SPTB: variants seen among roughly 807,000 people sequenced by gnomAD.
SPTB encodes the protein spectrin beta chain, erythrocytic.
A neutral mutation model predicts 256.2 loss-of-function variants in SPTB; 45 were observed. The ratio of observed to expected loss-of-function variants is 0.18; its 90% CI spans 0.14 to 0.23. The LOEUF is 0.23. Ranked by LOEUF, SPTB falls within the 10% of genes least tolerant of loss-of-function variation. The probability of loss-of-function intolerance (pLI) is 1.00; values close to 1 mark genes in which losing one functional copy is unlikely to be tolerated. For missense variants in SPTB, 2,715 were observed against 3,040.4 expected, an observed-to-expected ratio of 0.89 and a Z score of 2.52; for synonymous variants, 1,231 against 1,243.1, an observed-to-expected ratio of 0.99 and a Z score of 0.21.
Position 64,801,340 on chromosome 14 carries a change from G to A in SPTB, c.708C>T (p.His236=), listed in dbSNP as rs746583964. ...KDSNARHNLE[H]AFNVAERQLG... is the part of the protein sequence containing the mutation. ...GCTGGCGCTCAGCCACATTGAATGCGTGCTCCAGGTTGTGCCGGGCATTGG... is the reference window on the plus strand; with the variant it reads ...GCTGGCGCTCAGCCACATTGAATGCATGCTCCAGGTTGTGCCGGGCATTGG... Residue 236 remains histidine (H), a synonymous_variant, in exon 7 of 36, where the codon CAC becomes CAT. Coordinates refer to ENST00000644917, the MANE Select transcript of SPTB (RefSeq NM_001355436.2). 1.0e-4 allele frequency: 168 copies of A among 1,614,110 alleles called. No homozygotes were observed. Among genetic ancestry groups the A allele is most frequent in the Non-Finnish European group, 1.3e-4 (156 of 1,180,034 alleles).
chr14:64,769,038 G>T lies in SPTB; in HGVS notation c.6018C>A (p.Arg2006=). Residue 2006 remains arginine (R), a synonymous_variant, in exon 29 of 36, where the codon CGC becomes CGA. Coordinates refer to ENST00000644917, the MANE Select transcript of SPTB (RefSeq NM_001355436.2). ...EKWEARWERL[R]MLLEVCQFSR... is the part of the protein sequence containing the mutation. Reference sequence around the variant, plus strand: ...TGGCTCCAGGGCTGTACTCACACATGCGGAGCCGCTCCCAGCGGGCTTCCC... The same window carrying T: ...TGGCTCCAGGGCTGTACTCACACATTCGGAGCCGCTCCCAGCGGGCTTCCC... The T allele has an allele frequency of 6.2e-7, 1 of 1,612,646 alleles. No individual in the cohort carries two copies. The highest frequency in any genetic ancestry group is 8.5e-7 in the Non-Finnish European group (1 of 1,179,762).
Position 64,845,858 on chromosome 14 carries a change from C to T in SPTB, c.-51-22713G>A, listed in dbSNP as rs1711287457. On this transcript the variant is annotated intron_variant, in intron 1 of 35. Transcript: ENST00000644917. The surrounding 1 kb of genome is among the most constrained non-coding windows in gnomAD (Gnocchi z 4.8). Reference sequence around the variant, plus strand: ...ATGTGTGTGTGTGTTATTTATGAAACACATTTCATGGTCAGGCATTTTGGG... The same window carrying T: ...ATGTGTGTGTGTGTTATTTATGAAATACATTTCATGGTCAGGCATTTTGGG... 6.6e-6 allele frequency among the ~76,000 whole-genome samples: 1 copy of T among 151,944 alleles called. No homozygotes were observed. The highest frequency in any genetic ancestry group is 2.1e-4 in the South Asian group (1 of 4,816).
intron 32 of SPTB, among the ~76,000 whole-genome samples, chr14:64,765,037 T>C (rs1291486801): frequency 2.6e-5 from 3 of 115,126 alleles, no homozygotes; most frequent in African/African-American, 1.0e-4. Context: ...TGTGTGTGTG[T>C]GTGTGCGCGC....
In SPTB at chr14:64,785,036, G is replaced by A. The variant is rs529019373; in HGVS notation, c.3855+501C>T. On this transcript the variant is annotated intron_variant, in intron 18 of 35. Coordinates refer to ENST00000644917, the MANE Select transcript of SPTB (RefSeq NM_001355436.2). The surrounding 1 kb of genome is among the most constrained non-coding windows in gnomAD (Gnocchi z 4.4). ...AAATGTTCTTTCTCTGTCTCACCCC[G>A]TAAAGTTCTGATTCATCTGGCCTGA... Among the ~76,000 whole-genome samples, 7 of 152,298 alleles carry A rather than the reference G, an allele frequency of 4.6e-5. No homozygotes were observed. The highest frequency in any genetic ancestry group is 8.8e-5 in the Non-Finnish European group (6 of 68,026).
In SPTB at chr14:64,779,023, GA is replaced by G; in HGVS notation, c.4563+133del. On this transcript the variant is annotated intron_variant, in intron 22 of 35. Transcript: ENST00000644917. This position sits in a 1 kb window ranked among gnomAD's most constrained non-coding sequence, Gnocchi z 4.2. The stretch of plus-strand genomic sequence containing the variant: ...TATAAGATTACCAATACGGTTTGGA[GA>G]CCCCAAAGCTACCAACAAGAACAAT... The G allele has an allele frequency of 5.6e-6, 4 of 709,110 alleles. No homozygotes were observed. In the South Asian group the frequency reaches 6.5e-5, roughly 12 times the overall value. The allele number at this position is 709,110 out of a possible 1,614,324, so 43.9% of individuals were successfully genotyped here.
At chr14:64,773,096 G>C (rs559771317) in intron 25 of SPTB, 124 bp downstream of exon 25, 2 of 1,543,876 alleles carry the variant, frequency 1.3e-6, no homozygotes, top group Middle Eastern at 1.7e-4. Context: ...GGCCTGCATC[G>C]GCTGGTCCCG....
intron 22 of SPTB, among the ~76,000 whole-genome samples, chr14:64,776,383 T>C (rs997463005): frequency 6.6e-6 from 1 of 152,232 alleles, no homozygotes; most frequent in Non-Finnish European, 1.5e-5. Context: ...ACAACCCATG[T>C]TTTCAGCTCC....
At chr14:64,766,824 T>C (rs1203825056) in intron 31 of SPTB, 23 bp from the exon 32 acceptor site, 5 of 1,607,632 alleles carry the variant, frequency 3.1e-6, no homozygotes, top group Admixed American at 1.7e-5. Context: ...CAGTCTCTCT[T>C]TAGAAACAAG....
At chr14:64,762,201 ATGT>A (rs1204716883) in intron 32 of SPTB, among the ~76,000 whole-genome samples, 1 of 152,196 alleles carries the variant, frequency 6.6e-6, no homozygotes, top group Non-Finnish European at 1.5e-5. Flanking sequence ...GGGAAAACTG[ATGT>A]TGTTTCCAGC....
rs1451753416 is a variant in SPTB at position 64,804,981 on chromosome 14, G to C, written c.258C>G (p.Arg86=). 17 of 1,614,210 alleles carry C rather than the reference G, an allele frequency of 1.1e-5. No homozygotes were observed. The highest frequency in any genetic ancestry group is 1.4e-5 in the Non-Finnish European group (16 of 1,180,042). The change falls in exon 3 of 36, where the codon CGC becomes CGG. Residue 86 remains arginine (R), a synonymous_variant. Transcript: ENST00000644917. ...TDLYKDLRDG[R]MLIKLLEVLS... is the part of the protein sequence containing the mutation. ...GCACCTCCAGCAGCTTGATGAGCAT[G>C]CGCCCATCCCGCAGGTCCTTGTAGA...
At chr14:64,755,936 G>A (rs1193815452) in intron 32 of SPTB, 1 of 152,186 alleles carries the variant, frequency 6.6e-6, no homozygotes, top group African/African-American at 2.4e-5. Flanking sequence ...CCATTCGATA[G>A]GATTCATATC....
chr14:64,749,527 C>A lies in SPTB; in HGVS notation c.6820-54G>T, dbSNP rs1021022262. ...TGGAGGCCCACAGCCCCCCACCTCCCGGGCCAGGCAACAATGGTGGGGGCT... is the reference window on the plus strand; with the variant it reads ...TGGAGGCCCACAGCCCCCCACCTCCAGGGCCAGGCAACAATGGTGGGGGCT... On this transcript the variant is annotated intron_variant, in intron 35 of 35. Transcript: ENST00000644917. The surrounding 1 kb of genome is among the most constrained non-coding windows in gnomAD (Gnocchi z 4.7). 4.4e-6 allele frequency: 7 copies of A among 1,598,030 alleles called. No individual in the cohort carries two copies. Among genetic ancestry groups the A allele is most frequent in the Non-Finnish European group, 5.9e-6 (7 of 1,177,374 alleles).
At chr14:64,858,400 T>G (rs1296996676) in intron 1 of SPTB, among the ~76,000 whole-genome samples, 1 of 152,150 alleles carries the variant, frequency 6.6e-6, no homozygotes, top group Non-Finnish European at 1.5e-5. Flanking sequence ...CAGCAGATAC[T>G]AAGAAAGGCA....
Position 64,772,733 on chromosome 14 carries a change from G to C in SPTB, c.5400C>G (p.His1800Gln). 1 of 1,613,958 alleles carries C rather than the reference G, an allele frequency of 6.2e-7. No homozygotes were observed. Among genetic ancestry groups the C allele is most frequent in the Non-Finnish European group, 8.5e-7 (1 of 1,180,024 alleles). Residue 1800 changes from histidine (H) to glutamine (Q), a missense_variant, in exon 26 of 36, where the codon CAC (histidine) becomes CAG (glutamine). His to Gln is a conservative substitution (Grantham distance 24). Around this residue, in one of 4 missense-constraint regions of SPTB, gnomAD observed 2,239 missense variants for 2,384.4 expected, o/e 0.94. Coordinates refer to ENST00000644917, the MANE Select transcript of SPTB (RefSeq NM_001355436.2). The surrounding 1 kb of genome is among the most constrained non-coding windows in gnomAD (Gnocchi z 5.4). ...TCTCGGCACCCGTGTAGAAGTAGCG[G>C]TGCAGGTCATAGGAGGCGGCCAGCA... is the stretch of plus-strand genomic sequence containing the variant. ...MQLLAASYDL[H>Q]RYFYTGAEIL...
chr14:64,763,635 A>T, intron 32 of SPTB: 1 of 477,936 alleles, frequency 2.1e-6, no homozygotes, highest in South Asian at 1.5e-5. Flanking sequence ...TTTTATCTCA[A>T]ATCACGCAGG....
Position 64,779,247 on chromosome 14 carries a change from C to G in SPTB, c.4474-1G>C. ...GAGGCAGCCTCTCCTCCACCCAAAG[C>G]TGCAGAGACCAGGAGGCAGGAGAGA... On this transcript the variant is annotated splice_acceptor_variant, in intron 21 of 35. Transcript: ENST00000644917. LOFTEE classifies it high-confidence loss of function. This position sits in a 1 kb window ranked among gnomAD's most constrained non-coding sequence, Gnocchi z 4.2. 1 of 1,612,476 alleles carries G rather than the reference C, an allele frequency of 6.2e-7. No individual in the cohort carries two copies. Among genetic ancestry groups the G allele is most frequent in the Non-Finnish European group, 8.5e-7 (1 of 1,178,930 alleles).
rs2082742240 is a variant in SPTB, at chr14:64,795,126, TG to T, written c.1644+210del. ...AGATTTCTCGGTCACCAGGGTACCA[TG>T]GACCTGGGCTGGTATCACCTGCTGG... On this transcript the variant is annotated intron_variant, in intron 12 of 35. Coordinates refer to ENST00000644917, the MANE Select transcript of SPTB (RefSeq NM_001355436.2). This position sits in a 1 kb window ranked among gnomAD's most constrained non-coding sequence, Gnocchi z 6.5. Among the ~76,000 whole-genome samples, 1 of 152,238 alleles carries T rather than the reference TG, an allele frequency of 6.6e-6. No homozygotes were observed. Among genetic ancestry groups the T allele is most frequent in the Non-Finnish European group, 1.5e-5 (1 of 68,034 alleles).
rs1223429889 is a variant in SPTB, at chr14:64,841,956, G to C, written c.-51-18811C>G. Among the ~76,000 whole-genome samples, 1 of 152,200 alleles carries C rather than the reference G, an allele frequency of 6.6e-6. No individual in the cohort carries two copies. Among genetic ancestry groups the C allele is most frequent in the African/African-American group, 2.4e-5 (1 of 41,458 alleles). ...CCGGGACAAGAGCACCCCCAGTTCTGAGCACAGTAACTGGGCTACTCAGAA... is the reference window on the plus strand; with the variant it reads ...CCGGGACAAGAGCACCCCCAGTTCTCAGCACAGTAACTGGGCTACTCAGAA... On this transcript the variant is annotated intron_variant, in intron 1 of 35. Coordinates refer to ENST00000644917, the MANE Select transcript of SPTB (RefSeq NM_001355436.2). The surrounding 1 kb of genome is among the most constrained non-coding windows in gnomAD (Gnocchi z 4.6).
intron 1 of SPTB, among the ~76,000 whole-genome samples, chr14:64,837,955 A>G (rs147325412): frequency 4.3e-4 from 65 of 152,350 alleles, no homozygotes; most frequent in Non-Finnish European, 7.9e-4. Flanking sequence ...CAAAGAAAAT[A>G]GAATAGACAA....
Sources: gnomAD v4.1 joint callset for allele counts (sites outside exome capture counted in the v4.1 genomes callset) on GRCh38, gnomAD v4.1.1 for gene constraint, gnomAD v4.1.1 regional missense constraint, Gnocchi (gnomAD v3.1) non-coding constraint, MANE v1.5 for transcripts, NCBI Gene and HGNC (gene_info 2026-07-23, HGNC 2026-07-21) for gene names.